FBXO21: variants seen among roughly 807,000 people sequenced by gnomAD.
FBXO21 encodes the protein F-box only protein 21.
Under a neutral mutation model 76.6 loss-of-function variants are expected in FBXO21, and 32 were observed. That is an observed-to-expected ratio of 0.42 (90% CI 0.32 to 0.56). The LOEUF is 0.56. Ranked by LOEUF, FBXO21 falls within the 20% of genes least tolerant of loss-of-function variation. FBXO21 has a pLI of 0.16. For missense variants in FBXO21, 586 were observed against 797.3 expected, an observed-to-expected ratio of 0.73 and a Z score of 3.19; for synonymous variants, 328 against 311.5, an observed-to-expected ratio of 1.05 and a Z score of -0.56.
At chr12:117,156,982 T>C (rs1323138643) in intron 10 of FBXO21, among the ~76,000 whole-genome samples, 1 of 151,960 alleles carries the variant, frequency 6.6e-6, no homozygotes, top group African/African-American at 2.4e-5. Context: ...CAGGAGTTAG[T>C]GACGTGCCTG....
At position 117,181,414 on chromosome 12, in the gene FBXO21, T is replaced by C. The variant is rs145834596; in HGVS notation, c.471-3773A>G. Among the ~76,000 whole-genome samples the C allele has an allele frequency of 2.5e-3, 381 of 152,356 alleles. 1 individual carries two copies. The highest frequency in any genetic ancestry group is 0.01 in the Middle Eastern group (3 of 294). On this transcript the variant is annotated intron_variant, in intron 3 of 11. Coordinates refer to ENST00000622495, the MANE Select transcript of FBXO21 (RefSeq NM_015002.3). ...TCCTTATAAATGACTTTACCTTTTT[T>C]GCTTGGATGCTCAAAGGACTTTCCT...
intron 9 of FBXO21, 113 bp from the exon 10 acceptor site, chr12:117,158,176 G>A: frequency 8.2e-7 from 1 of 1,221,070 alleles, no homozygotes; most frequent in Non-Finnish European, 1.2e-6. Flanking sequence ...AGGACCAAAA[G>A]GGGTGGCTAT....
intron 3 of FBXO21, among the ~76,000 whole-genome samples, chr12:117,178,867 C>T (rs10850791): frequency 0.24 from 36,242 of 152,038 alleles, 4,493 homozygotes; most frequent in East Asian, 0.41. Flanking sequence ...TCTTAGTGCC[C>T]ATCTCGCCCA....
chr12:117,185,708 T>C (rs1173679810), intron 3 of FBXO21, among the ~76,000 whole-genome samples: 3 of 152,226 alleles, frequency 2.0e-5, no homozygotes, highest in Admixed American at 2.0e-4. Context: ...AAGAACAAAG[T>C]AGATTATTTT....
intron 7 of FBXO21, among the ~76,000 whole-genome samples, chr12:117,171,366 A>G: frequency 6.6e-6 from 1 of 151,498 alleles, no homozygotes; most frequent in South Asian, 2.1e-4. Context: ...TCAAAAAAAA[A>G]AAAAAAAAAA....
rs141899827 is a variant in FBXO21 at position 117,188,509 on chromosome 12, C to T, written c.375+718G>A. 7.9e-3 allele frequency among the ~76,000 whole-genome samples: 1,197 copies of T among 151,824 alleles called. 12 individuals carry two copies. Among genetic ancestry groups the T allele is most frequent in the African/African-American group, 0.025 (1,015 of 41,406 alleles). On this transcript the variant is annotated intron_variant, in intron 2 of 11. Coordinates refer to ENST00000622495, the MANE Select transcript of FBXO21 (RefSeq NM_015002.3). ...GCAGTGAGCTGAGATTGCGCCACTG[C>T]ACTCCAGCCGGGGAGACAAAGCAAG...
intron 3 of FBXO21, among the ~76,000 whole-genome samples, chr12:117,184,085 C>A (rs1956260386): frequency 6.6e-6 from 1 of 151,606 alleles, no homozygotes; most frequent in Non-Finnish European, 1.5e-5. Context: ...TCTAGTGATG[C>A]CAGTTTCCCA....
At chr12:117,181,599 G>GAGTCTATCTA (rs1555242787) in intron 3 of FBXO21, among the ~76,000 whole-genome samples, 3,081 of 145,630 alleles carry the variant, frequency 0.021, 39 homozygotes, top group Admixed American at 0.029. Context: ...ATCTGAGACA[G>GAGTCTATCTA]TCTATCTATC....
At chr12:117,172,829 ATGTT>A (rs952730092) in intron 6 of FBXO21, among the ~76,000 whole-genome samples, 2 of 152,152 alleles carry the variant, frequency 1.3e-5, no homozygotes, top group Admixed American at 1.3e-4. Context: ...AAGAAGTTTT[ATGTT>A]TTTTAATGTT....
intron 11 of FBXO21, among the ~76,000 whole-genome samples, chr12:117,152,584 GA>G (rs751568059): frequency 6.6e-6 from 1 of 150,892 alleles, no homozygotes; most frequent in East Asian, 2.1e-4. Context: ...AGACTAAAGA[GA>G]AAAAAAACAA....
At chr12:117,188,052 T>G (rs1956301657) in intron 2 of FBXO21, among the ~76,000 whole-genome samples, 1 of 152,248 alleles carries the variant, frequency 6.6e-6, no homozygotes, top group South Asian at 2.1e-4. Context: ...ACATTTCAAA[T>G]TATTAACTCC....
In FBXO21 at chr12:117,144,854, A is replaced by C. The variant is rs1221934384; in HGVS notation, c.*1233T>G. 1 of 152,178 alleles carries C rather than the reference A, an allele frequency of 6.6e-6. No individual in the cohort carries two copies. The highest frequency in any genetic ancestry group is 6.5e-5 in the Admixed American group (1 of 15,274). The allele number at this position is 152,178 out of a possible 1,614,324, so 9.4% of individuals were successfully genotyped here. On this transcript the variant is annotated 3_prime_UTR_variant, in exon 12 of 12. Coordinates refer to ENST00000622495, the MANE Select transcript of FBXO21 (RefSeq NM_015002.3). ...TCCGAACACACGGTCAGGCTTTCCC[A>C]GAAGACGCCACAACAGGCTTCGTCC...
At position 117,155,755 on chromosome 12, in the gene FBXO21, GC is replaced by G. The variant is rs774756911; in HGVS notation, c.1675+35del. Reference sequence around the variant, plus strand: ...TCAAACGTGCGCTGAAAACACGCCCGCGGGGCCACTGGCACAAGCGGAACCC... The same window carrying G: ...TCAAACGTGCGCTGAAAACACGCCCGGGGGCCACTGGCACAAGCGGAACCC... On this transcript the variant is annotated intron_variant, in intron 11 of 11. Transcript: ENST00000622495. 105 of 1,592,704 alleles carry G rather than the reference GC, an allele frequency of 6.6e-5. No homozygotes were observed. The African/African-American group carries it at 1.2e-3, about 18-fold the overall frequency.
intron 11 of FBXO21, among the ~76,000 whole-genome samples, chr12:117,152,087 T>A (rs1354711103): frequency 6.6e-6 from 1 of 151,888 alleles, no homozygotes; most frequent in Non-Finnish European, 1.5e-5. Flanking sequence ...CTTATCCCGA[T>A]CTAATCAGGA....
intron 3 of FBXO21, among the ~76,000 whole-genome samples, chr12:117,182,467 C>A (rs980281472): frequency 2.6e-5 from 4 of 151,258 alleles, no homozygotes; most frequent in Non-Finnish European, 5.9e-5. Flanking sequence ...CCAGCCTGGG[C>A]AACAGGATGA....
intron 9 of FBXO21, among the ~76,000 whole-genome samples, chr12:117,164,244 A>ATGTGGGCT (rs1411045944): frequency 6.7e-6 from 1 of 149,790 alleles, no homozygotes; most frequent in Admixed American, 6.6e-5. Flanking sequence ...GACATTTTCT[A>ATGTGGGCT]TGTGGGCTAC....
At position 117,144,792 on chromosome 12, in the gene FBXO21, C is replaced by G. The variant is rs1311311356; in HGVS notation, c.*1295G>C. 1 of 152,200 alleles carries G rather than the reference C, an allele frequency of 6.6e-6. No homozygotes were observed. The highest frequency in any genetic ancestry group is 2.4e-5 in the African/African-American group (1 of 41,436). 9.4% of individuals were successfully genotyped at this position (152,200 alleles called of 1,614,324 possible). A position where few individuals can be genotyped will look rare whatever the true frequency, so the allele number is the denominator to read the frequency against. On this transcript the variant is annotated 3_prime_UTR_variant, in exon 12 of 12. Coordinates refer to ENST00000622495, the MANE Select transcript of FBXO21 (RefSeq NM_015002.3). ...CACAAAGGCGTGCAGTTACTCTGGG[C>G]TCAGTTACTGAGAACTTCGGAAAGG... is the stretch of plus-strand genomic sequence containing the variant.
intron 11 of FBXO21, among the ~76,000 whole-genome samples, chr12:117,152,387 G>A (rs2135848459): frequency 6.6e-6 from 1 of 151,880 alleles, no homozygotes; most frequent in African/African-American, 2.4e-5. Context: ...GATCAATTGA[G>A]CCCAGGAGGT....
intron 7 of FBXO21, 94 bp downstream of exon 7, chr12:117,172,377 G>A: frequency 1.4e-6 from 2 of 1,419,588 alleles, no homozygotes; most frequent in Non-Finnish European, 1.9e-6. Flanking sequence ...TAACCTGTGT[G>A]GTAACACCCA....
Sources: gnomAD v4.1 joint callset for allele counts (sites outside exome capture counted in the v4.1 genomes callset) on GRCh38, gnomAD v4.1.1 for gene constraint, MANE v1.5 for transcripts, NCBI Gene and HGNC (gene_info 2026-07-23, HGNC 2026-07-21) for gene names.